CSF2RA: variants seen among roughly 807,000 people sequenced by gnomAD.
The protein encoded by CSF2RA is colony stimulating factor 2 receptor subunit alpha.
In CSF2RA, 42 loss-of-function variants were observed where a neutral mutation model predicts 51.6. That is an observed-to-expected ratio of 0.81 (90% CI 0.64 to 1.05). CSF2RA has a LOEUF of 1.05. CSF2RA is among the 50% of genes least tolerant of loss of function. The pLI is 0.00. For synonymous variants in CSF2RA, 222 were observed against 193.0 expected, an observed-to-expected ratio of 1.15 and a Z score of -1.24; for missense variants, 530 against 501.1, an observed-to-expected ratio of 1.06 and a Z score of -0.55.
chrX:1,269,642 A>G (rs369185724), intron 1 of CSF2RA, among the ~76,000 whole-genome samples: 21,462 of 142,360 alleles, frequency 0.15, 2,040 homozygotes, highest in East Asian at 0.28. Context: ...AAAAAGAAAA[A>G]AAAAGAGATG....
In CSF2RA at chrX:1,303,880, C is replaced by G. The variant is rs371578813; in HGVS notation, c.947-43C>G. 1.8e-5 allele frequency: 27 copies of G among 1,478,732 alleles called. No individual in the cohort carries two copies. The Middle Eastern group carries it at 5.2e-4, about 28-fold the overall frequency. The allele number at this position is 1,478,732 out of a possible 1,614,324, so 91.6% of individuals were successfully genotyped here. On this transcript the variant is annotated intron_variant, in intron 10 of 12. Transcript: ENST00000381529. ...GAGATTTAATTTCCTTTCACATGTC[C>G]GTCAACGATTCACCGCAGACGCAAA...
At chrX:1,313,243 G>C (rs1263717924), downstream of CSF2RA, among the ~76,000 whole-genome samples, 5 of 151,738 alleles carry the variant, frequency 3.3e-5, no homozygotes, top group African/African-American at 1.2e-4. Context: ...GGCCAACGTG[G>C]TGAAACTCGT....
chrX:1,323,284 CGGGCG>C, the CSF2RA span, among the ~76,000 whole-genome samples: 9 of 151,606 alleles, frequency 5.9e-5, no homozygotes, highest in African/African-American at 2.2e-4. Context: ...GAGGCCGAGG[CGGGCG>C]GATCACCTGA....
downstream of CSF2RA, chrX:1,310,376 A>AAT (rs1236127426): frequency 6.6e-6 from 1 of 151,004 alleles, no homozygotes; most frequent in African/African-American, 2.4e-5. Context: ...TAAAAAAAAA[A>AAT]AAAAATTGAT....
intron 2 of CSF2RA, 184 bp from the exon 3 acceptor site, chrX:1,282,494 C>G (rs2040365319): frequency 1.5e-6 from 1 of 653,342 alleles, no homozygotes; most frequent in African/African-American, 1.8e-5. Flanking sequence ...CGTCCTAATC[C>G]CATGTGGGAG....
intron 2 of CSF2RA, 93 bp downstream of exon 2, chrX:1,274,911 G>C (rs1460863373): frequency 2.2e-6 from 1 of 449,538 alleles, no homozygotes; most frequent in African/African-American, 2.0e-5. Flanking sequence ...GCTCCATAAT[G>C]ATGAACCAGG....
chrX:1,272,618 G>A (rs1292593744), intron 1 of CSF2RA, among the ~76,000 whole-genome samples: 1 of 150,746 alleles, frequency 6.6e-6, no homozygotes, highest in African/African-American at 2.4e-5. Flanking sequence ...CTCCCGAGTA[G>A]CTGCGATTAC....
the CSF2RA span, among the ~76,000 whole-genome samples, chrX:1,322,999 G>A: frequency 6.6e-6 from 1 of 151,604 alleles, no homozygotes; most frequent in African/African-American, 2.4e-5. Flanking sequence ...CGTGGTGGCG[G>A]GCGCCTGTGG....
chrX:1,274,983 T>G, intron 2 of CSF2RA, 165 bp downstream of exon 2: 1 of 385,628 alleles, frequency 2.6e-6, no homozygotes, highest in Non-Finnish European at 5.2e-6. Flanking sequence ...TATGACAAAT[T>G]TAACATGTCA....
downstream of CSF2RA, among the ~76,000 whole-genome samples, chrX:1,314,300 A>G (rs1295807823): frequency 0.47 from 19,690 of 41,602 alleles, 6,983 homozygotes; most frequent in Middle Eastern, 0.56. Context: ...CTGCCCAACC[A>G]CTCTGTGCCT....
intron 2 of CSF2RA, among the ~76,000 whole-genome samples, chrX:1,279,210 G>GC (rs1383285401): frequency 6.7e-6 from 1 of 149,410 alleles, no homozygotes; most frequent in Non-Finnish European, 1.5e-5. Flanking sequence ...AATTAGCCAG[G>GC]CGTGTTGGTG....
chrX:1,322,394 C>G, the CSF2RA span, among the ~76,000 whole-genome samples: 2 of 149,994 alleles, frequency 1.3e-5, no homozygotes, highest in Non-Finnish European at 3.0e-5. Context: ...TTACAGGCAT[C>G]AGTCAGCACA....
intron 1 of CSF2RA, among the ~76,000 whole-genome samples, chrX:1,271,893 G>C (rs2088482229): frequency 6.6e-6 from 1 of 152,002 alleles, no homozygotes; most frequent in Non-Finnish European, 1.5e-5. Context: ...TCCCCTGTAG[G>C]TTTGCTGTAG....
At chrX:1,283,311 T>C (rs1420065417) in intron 3 of CSF2RA, among the ~76,000 whole-genome samples, 1 of 148,198 alleles carries the variant, frequency 6.7e-6, no homozygotes, top group Non-Finnish European at 1.5e-5. Context: ...TCTTCCTTCC[T>C]TCCCTCCTTC....
At chrX:1,296,265 A>G (rs1163960280) in intron 9 of CSF2RA, among the ~76,000 whole-genome samples, 1 of 147,244 alleles carries the variant, frequency 6.8e-6, no homozygotes, top group Non-Finnish European at 1.5e-5. Flanking sequence ...GTGTAACCCT[A>G]CAGTCTCCTA....
At chrX:1,305,407 CG>C (rs1569511766) in intron 11 of CSF2RA, 38 bp from the exon 12 acceptor site, 1 of 1,610,628 alleles carries the variant, frequency 6.2e-7, no homozygotes, top group South Asian at 1.1e-5. Flanking sequence ...TCTGGTGACC[CG>C]GGGTTCATTC....
chrX:1,323,736 T>A, the CSF2RA span, among the ~76,000 whole-genome samples: 2 of 151,208 alleles, frequency 1.3e-5, no homozygotes, highest in Non-Finnish European at 1.5e-5. Context: ...AAATGCAGGC[T>A]GGGCGCAGTG....
chrX:1,320,516 G>A, the CSF2RA span, among the ~76,000 whole-genome samples: 6 of 112,184 alleles, frequency 5.3e-5, no homozygotes, highest in Admixed American at 3.0e-4. Context: ...TTTTTTTTCC[G>A]AGACGGAGTG....
intron 7 of CSF2RA, among the ~76,000 whole-genome samples, chrX:1,292,409 C>T (rs187795395): frequency 2.6e-5 from 4 of 152,250 alleles, no homozygotes; most frequent in Admixed American, 1.3e-4. Flanking sequence ...AGGGGACCGG[C>T]GCTCAGCATA....
Sources: allele counts gnomAD v4.1 joint callset (sites outside exome capture counted in the v4.1 genomes callset), GRCh38; gene constraint gnomAD v4.1.1; transcripts MANE v1.5; gene names NCBI Gene and HGNC (gene_info 2026-07-23, HGNC 2026-07-21).